The following CA8 variants were observed in gnomAD, a reference collection of about 807,000 sequenced individuals.
CA8 encodes carbonic anhydrase 8 (inactive).
CA8 carries 22 observed loss-of-function variants against 41.4 expected under a neutral mutation model. That is an observed-to-expected ratio of 0.53 (90% CI 0.38 to 0.76). The LOEUF is 0.76. Among genes scored for constraint, CA8 ranks in the 30% least tolerant of loss-of-function variants. The pLI is 0.00. For synonymous variants in CA8, 121 were observed against 130.6 expected (o/e 0.93, Z 0.50); for missense variants, 270 against 352.8 (o/e 0.77, Z 1.88).
chr8:60,221,101 C>T (rs758684637), intron 7 of CA8, among the ~76,000 whole-genome samples: 11 of 152,202 alleles, frequency 7.2e-5, no homozygotes, highest in Non-Finnish European at 1.0e-4. Flanking sequence ...CCAACATCTT[C>T]GCTGTTAAGT....
chr8:60,273,940 G>C (rs986932618), intron 2 of CA8, among the ~76,000 whole-genome samples: 2 of 152,158 alleles, frequency 1.3e-5, no homozygotes, highest in Non-Finnish European at 2.9e-5. Flanking sequence ...TATGTTAGAA[G>C]TTTTAGTTTG....
At chr8:60,266,148 G>A (rs1312666356) in intron 2 of CA8, 99 bp from the exon 3 acceptor site, 2 of 1,111,398 alleles carry the variant, frequency 1.8e-6, no homozygotes, top group East Asian at 5.0e-5. Context: ...TGCTCTCATG[G>A]GCTCTACAGA....
chr8:60,232,288 A>G lies in CA8; in HGVS notation c.509T>C (p.Val170Ala). 1 of 1,610,866 alleles carries G rather than the reference A, an allele frequency of 6.2e-7. No individual in the cohort carries two copies. The highest frequency in any genetic ancestry group is 1.7e-5 in the Admixed American group (1 of 60,022). ...PHGIAIIALF[V>A]QIGKEHVGLK... is the part of the protein sequence containing the mutation. ...TAATCACAGCAGACCGTTTACCTGA[A>G]CAAACAGAGCAATGATGGCGATTCC... The change falls in exon 4 of 9, where the codon GTT becomes GCT. Residue 170 changes from valine (V) to alanine (A), a missense_variant. Physicochemically the swap from Val to Ala is moderately conservative, Grantham distance 64. Transcript: ENST00000317995.
chr8:60,248,956 T>C (rs1808348741), intron 3 of CA8, among the ~76,000 whole-genome samples: 1 of 152,214 alleles, frequency 6.6e-6, no homozygotes, highest in African/African-American at 2.4e-5. Context: ...TTTGTAGTTC[T>C]CCTTGAAGAG....
intron 7 of CA8, among the ~76,000 whole-genome samples, chr8:60,212,663 T>C (rs1483379092): frequency 6.6e-6 from 1 of 152,172 alleles, no homozygotes; most frequent in Non-Finnish European, 1.5e-5. Context: ...GGGGATGTAA[T>C]GGTTAAAGGG....
chr8:60,249,696 T>C (rs1246833234), intron 3 of CA8, among the ~76,000 whole-genome samples: 2 of 152,204 alleles, frequency 1.3e-5, no homozygotes, highest in African/African-American at 2.4e-5. Context: ...TATCATCATT[T>C]TACAGTATCC....
At chr8:60,248,305 T>C (rs2130542913) in intron 3 of CA8, among the ~76,000 whole-genome samples, 1 of 152,330 alleles carries the variant, frequency 6.6e-6, no homozygotes, top group Middle Eastern at 3.4e-3. Flanking sequence ...CTTTTGGTGT[T>C]TCCGTCACGA....
chr8:60,204,338 A>G (rs1476439527), intron 8 of CA8, among the ~76,000 whole-genome samples: 1 of 152,208 alleles, frequency 6.6e-6, no homozygotes, highest in Admixed American at 6.5e-5. Context: ...ACATATTAAC[A>G]TTCGACATAC....
In CA8 at chr8:60,280,934, G is replaced by C. The variant is rs1320169103; in HGVS notation, c.100+114C>G. ...AAGTGGCAGAGACCCCCGTGGGAAAGAGGGGGCGTGGGGGTGCTCGGAGCG... is the reference window on the plus strand; with the variant it reads ...AAGTGGCAGAGACCCCCGTGGGAAACAGGGGGCGTGGGGGTGCTCGGAGCG... On this transcript the variant is annotated intron_variant, in intron 1 of 8. Coordinates refer to ENST00000317995, the MANE Select transcript of CA8 (RefSeq NM_004056.6). 7.9e-6 allele frequency: 6 copies of C among 759,348 alleles called. No individual in the cohort carries two copies. In the African/African-American group the frequency reaches 1.0e-4, roughly 13 times the overall value. The allele number at this position is 759,348 out of a possible 1,614,324, so 47.0% of individuals were successfully genotyped here.
intron 3 of CA8, among the ~76,000 whole-genome samples, chr8:60,261,104 A>T (rs149233801): frequency 1.1e-4 from 16 of 152,186 alleles, no homozygotes; most frequent in African/African-American, 3.6e-4. Context: ...GAAATGTGGG[A>T]TATCTGGCGA....
chr8:60,245,622 G>A (rs1190109914), intron 3 of CA8, among the ~76,000 whole-genome samples: 1 of 152,146 alleles, frequency 6.6e-6, no homozygotes, highest in Admixed American at 6.5e-5. Context: ...TATTTTAAAG[G>A]ACATTCTAGA....
chr8:60,243,453 G>C lies in CA8; in HGVS notation c.418-11074C>G, dbSNP rs73683401. Among the ~76,000 whole-genome samples the C allele has an allele frequency of 8.2e-3, 1,231 of 150,462 alleles. 17 individuals carry two copies. The highest frequency in any genetic ancestry group is 0.029 in the African/African-American group (1,162 of 40,760). ...TTTAAAAAAAAAAAAAAAAATTCCTGGACCTCACATACCCTCCTACTACTT... is the reference window on the plus strand; with the variant it reads ...TTTAAAAAAAAAAAAAAAAATTCCTCGACCTCACATACCCTCCTACTACTT... On this transcript the variant is annotated intron_variant, in intron 3 of 8. Coordinates refer to ENST00000317995, the MANE Select transcript of CA8 (RefSeq NM_004056.6).
intron 2 of CA8, among the ~76,000 whole-genome samples, chr8:60,267,342 C>G (rs1215818075): frequency 6.6e-6 from 1 of 152,174 alleles, no homozygotes; most frequent in Non-Finnish European, 1.5e-5. Flanking sequence ...AATCTACTCC[C>G]AAGCTTTCTA....
intron 3 of CA8, among the ~76,000 whole-genome samples, chr8:60,255,688 T>C (rs1808611828): frequency 6.6e-6 from 1 of 152,200 alleles, no homozygotes; most frequent in Admixed American, 6.5e-5. Flanking sequence ...TTAATGCTTA[T>C]ATTTCAACAA....
rs565495340 is a variant in CA8 at position 60,245,098 on chromosome 8, T to C, written c.418-12719A>G. Among the ~76,000 whole-genome samples, 158 of 152,334 alleles carry C rather than the reference T, an allele frequency of 1.0e-3. 3 individuals carry two copies. In the South Asian group the frequency reaches 0.031, roughly 30 times the overall value. On this transcript the variant is annotated intron_variant, in intron 3 of 8. Transcript: ENST00000317995. ...CTTCATAATCATTCCCACCATTCCC[T>C]GGGGATTATGGTACAGTGCATCTTG... is the stretch of plus-strand genomic sequence containing the variant.
chr8:60,260,554 G>A (rs1344850355), intron 3 of CA8, among the ~76,000 whole-genome samples: 1 of 152,138 alleles, frequency 6.6e-6, no homozygotes, highest in African/African-American at 2.4e-5. Flanking sequence ...GCACCATAGA[G>A]GATAATCCTT....
intron 5 of CA8, among the ~76,000 whole-genome samples, chr8:60,225,755 G>A (rs1807417404): frequency 6.6e-6 from 1 of 152,156 alleles, no homozygotes; most frequent in Non-Finnish European, 1.5e-5. Context: ...AGCCCTACAA[G>A]ACTAGACTAC....
chr8:60,238,364 C>A (rs1219580627), intron 3 of CA8, among the ~76,000 whole-genome samples: 1 of 152,158 alleles, frequency 6.6e-6, no homozygotes, highest in Non-Finnish European at 1.5e-5. Flanking sequence ...TTATGACTCA[C>A]AAATTTCCTT....
At chr8:60,231,351 A>C (rs1807640021) in intron 4 of CA8, among the ~76,000 whole-genome samples, 1 of 152,184 alleles carries the variant, frequency 6.6e-6, no homozygotes, top group Non-Finnish European at 1.5e-5. Context: ...TTAAGAGCCT[A>C]AACTGGATGG....
Sources: gnomAD v4.1 joint callset for allele counts (sites outside exome capture counted in the v4.1 genomes callset) on GRCh38, gnomAD v4.1.1 for gene constraint, MANE v1.5 for transcripts, NCBI Gene and HGNC (gene_info 2026-07-23, HGNC 2026-07-21) for gene names.